The following ATPAF2 variants were observed in gnomAD, a reference collection of about 807,000 sequenced individuals.
The protein encoded by ATPAF2 is ATP synthase mitochondrial F1 complex assembly factor 2.
ATPAF2 carries 30 observed loss-of-function variants against 36.6 expected under a neutral mutation model. That is an observed-to-expected ratio of 0.82 (90% CI 0.61 to 1.11). The LOEUF is 1.11. Among genes scored for constraint, ATPAF2 ranks in the 50% most tolerant of loss-of-function variants. The probability of loss-of-function intolerance (pLI) is 0.00; values close to 1 mark genes in which losing one functional copy is unlikely to be tolerated. For synonymous variants in ATPAF2, 140 were observed against 152.6 expected (o/e 0.92, Z 0.61); for missense variants, 321 against 372.3 (o/e 0.86, Z 1.13).
downstream of ATPAF2, chr17:18,016,756 C>G: frequency 1.3e-6 from 1 of 771,348 alleles, no homozygotes; most frequent in South Asian, 1.7e-5. Context: ...ACCCGCACCT[C>G]TAGAGAGTTG....
intron 7 of ATPAF2, among the ~76,000 whole-genome samples, chr17:18,019,147 C>CCACACA (rs138932269): frequency 0.33 from 44,159 of 135,424 alleles, 7,305 homozygotes; most frequent in Middle Eastern, 0.39. Context: ...CTCAAAAACA[C>CCACACA]CACACACACA....
Position 18,038,928 on chromosome 17 carries a change from G to A in ATPAF2, c.86C>T (p.Pro29Leu). The A allele has an allele frequency of 6.2e-7, 1 of 1,613,768 alleles. No individual in the cohort carries two copies. Among genetic ancestry groups the A allele is most frequent in the Non-Finnish European group, 8.5e-7 (1 of 1,179,876 alleles). ...PAGGPSASMS[P>L]GPTIPSPARA... ...GGCTGGAGACGGGATGGTTGGCCCC[G>A]GACTCATAGAAGCGCTGGGGCCACC... The change falls in exon 1 of 8, where the codon CCG becomes CTG. Residue 29 changes from proline to leucine, a missense_variant. By Grantham distance (98) the Pro-to-Leu change is moderately conservative. Transcript: ENST00000474627.
downstream of ATPAF2, chr17:18,016,566 G>A: frequency 6.2e-7 from 1 of 1,611,838 alleles, no homozygotes; most frequent in Non-Finnish European, 8.5e-7. Flanking sequence ...AGATTCACAA[G>A]GATGAGATCA....
chr17:18,022,542 T>G (rs1449779243), intron 5 of ATPAF2, among the ~76,000 whole-genome samples: 1 of 151,772 alleles, frequency 6.6e-6, no homozygotes, highest in Non-Finnish European at 1.5e-5. Context: ...TCCCAAAGTG[T>G]TGGGATTACA....
intron 1 of ATPAF2, among the ~76,000 whole-genome samples, chr17:18,031,165 C>T (rs1242110352): frequency 5.3e-5 from 8 of 150,126 alleles, no homozygotes; most frequent in East Asian, 4.0e-4. Flanking sequence ...TTAGTAGAGG[C>T]GGGGTTTCAC....
intron 2 of ATPAF2, 21 bp from the exon 3 acceptor site, chr17:18,028,398 A>C (rs1459491183): frequency 6.2e-7 from 1 of 1,611,916 alleles, no homozygotes; most frequent in African/African-American, 1.3e-5. Context: ...CAAATGAAAA[A>C]CTCTCAGGGA....
intron 1 of ATPAF2, among the ~76,000 whole-genome samples, chr17:18,034,202 A>G (rs970220735): frequency 6.6e-6 from 1 of 151,990 alleles, no homozygotes; most frequent in Non-Finnish European, 1.5e-5. Flanking sequence ...CAGGAGTTTG[A>G]GACCAGCCTG....
chr17:18,016,031 A>G (rs2044349111), downstream of ATPAF2: 2 of 1,610,742 alleles, frequency 1.2e-6, no homozygotes, highest in Admixed American at 3.3e-5. Flanking sequence ...ATAATGACAC[A>G]CACTTTCTCA....
downstream of ATPAF2, among the ~76,000 whole-genome samples, chr17:18,017,187 A>G (rs2044392718): frequency 7.0e-6 from 1 of 142,692 alleles, no homozygotes; most frequent in African/African-American, 2.7e-5. Flanking sequence ...AAAAAAAAAA[A>G]AAAAAAAAAA....
At chr17:18,029,565 A>T (rs1177109717) in intron 1 of ATPAF2, among the ~76,000 whole-genome samples, 1 of 152,118 alleles carries the variant, frequency 6.6e-6, no homozygotes, top group Non-Finnish European at 1.5e-5. Context: ...AAAAAAGAGT[A>T]AATCATTTGC....
chr17:18,021,565 G>A, intron 6 of ATPAF2, 180 bp downstream of exon 6: 2 of 672,466 alleles, frequency 3.0e-6, no homozygotes, highest in South Asian at 1.7e-5. Context: ...AGGTGGAAAG[G>A]TGTGAGCCTA....
intron 1 of ATPAF2, among the ~76,000 whole-genome samples, chr17:18,037,477 G>A (rs1394359713): frequency 1.3e-5 from 2 of 152,134 alleles, no homozygotes; most frequent in Non-Finnish European, 2.9e-5. Flanking sequence ...CCACCTACTT[G>A]GGAGGCTGAG....
downstream of ATPAF2, chr17:18,015,987 T>C (rs1244381932): frequency 6.5e-7 from 1 of 1,532,024 alleles, no homozygotes; most frequent in Admixed American, 1.7e-5. Flanking sequence ...TTCCAAATGC[T>C]CCTTCTCTGT....
chr17:18,026,407 A>G lies in ATPAF2; in HGVS notation c.334T>C (p.Cys112Arg). ...KYYTMHLTTL[C>R]NTSLDNPTQR... ...GTTGGGTTGTCCAATGATGTGTTGC[A>G]CAATGTGGTCTGAATCAAAGGCAAA... The change falls in exon 4 of 8, where the codon TGC becomes CGC. Residue 112 changes from cysteine (C) to arginine (R), a missense_variant. Coordinates refer to ENST00000474627, the MANE Select transcript of ATPAF2 (RefSeq NM_145691.4). 1 of 1,614,166 alleles carries G rather than the reference A, an allele frequency of 6.2e-7. No homozygotes were observed. The highest frequency in any genetic ancestry group is 1.1e-5 in the South Asian group (1 of 91,084).
chr17:18,034,141 A>G (rs1193702233), intron 1 of ATPAF2, among the ~76,000 whole-genome samples: 1 of 151,996 alleles, frequency 6.6e-6, no homozygotes, highest in Non-Finnish European at 1.5e-5. Flanking sequence ...AAATAACCCA[A>G]TTTAAAAATG....
At chr17:18,027,938 C>A in intron 3 of ATPAF2, 2 of 448,642 alleles carry the variant, frequency 4.5e-6, no homozygotes, top group South Asian at 2.4e-5. Flanking sequence ...AACAAATGGC[C>A]AGCTGCTGTC....
rs2044750145 is a variant in ATPAF2 at position 18,038,986 on chromosome 17, C to T, written c.28G>A (p.Asp10Asn). Residue 10 changes from aspartate (D) to asparagine (N), a missense_variant, in exon 1 of 8, where the codon GAC (aspartate) becomes AAC (asparagine). Transcript: ENST00000474627. The part of the protein sequence containing the change: MWRSCLRLR[D>N]GGRRLLNRPA... ...CGATTCAGGAGACGGCGTCCCCCGT[C>T]CCGCAGCCGGAGGCAGCTCCTCCAC... 6.2e-7 allele frequency: 1 copy of T among 1,611,470 alleles called. No homozygotes were observed. Among genetic ancestry groups the T allele is most frequent in the Non-Finnish European group, 8.5e-7 (1 of 1,178,896 alleles).
intron 7 of ATPAF2, among the ~76,000 whole-genome samples, chr17:18,019,183 A>ACACACACCCCAC (rs1396685458): frequency 9.4e-4 from 141 of 150,798 alleles, no homozygotes; most frequent in African/African-American, 3.3e-3. Flanking sequence ...ACACACACAC[A>ACACACACCCCAC]CACCCCACCA....
At chr17:18,026,262 G>A in intron 4 of ATPAF2, 57 bp downstream of exon 4, 1 of 1,474,768 alleles carries the variant, frequency 6.8e-7, no homozygotes, top group Non-Finnish European at 9.5e-7. Flanking sequence ...AACCATCTGG[G>A]CAAATCAGGA....
Sources: allele counts gnomAD v4.1 joint callset (sites outside exome capture counted in the v4.1 genomes callset), GRCh38; gene constraint gnomAD v4.1.1; transcripts MANE v1.5; gene names NCBI Gene and HGNC (gene_info 2026-07-23, HGNC 2026-07-21).